Variants in NWD2 observed in about 807,000 individuals in gnomAD.
NWD2 encodes the protein NACHT and WD repeat domain containing 2.
Under a neutral mutation model 132.7 loss-of-function variants are expected in NWD2, and 37 were observed. The observed-to-expected ratio is 0.28, with a 90% CI of 0.21 to 0.37. The LOEUF (loss-of-function observed/expected upper bound fraction) is 0.37. NWD2 is among the 10% of genes least tolerant of loss of function. The pLI is 1.00. For missense variants in NWD2, 1,592 were observed against 2,122.4 expected (o/e 0.75, Z 4.91); for synonymous variants, 705 against 803.0 (o/e 0.88, Z 2.06).
chr4:37,412,322 G>A (rs1037079915), intron 3 of NWD2, among the ~76,000 whole-genome samples: 7 of 152,124 alleles, frequency 4.6e-5, no homozygotes, highest in Non-Finnish European at 1.0e-4. Context: ...AAAATCACAA[G>A]CATTCCTATA....
chr4:37,344,664 T>G (rs1399883466), intron 2 of NWD2, among the ~76,000 whole-genome samples: 1 of 152,202 alleles, frequency 6.6e-6, no homozygotes, highest in African/African-American at 2.4e-5. Context: ...TTCTTTGTAT[T>G]TGCAATGCAA....
At chr4:37,342,110 C>T (rs1369500577) in intron 2 of NWD2, among the ~76,000 whole-genome samples, 1 of 152,244 alleles carries the variant, frequency 6.6e-6, no homozygotes, top group East Asian at 1.9e-4. Context: ...AAATGTTATC[C>T]TCAACACTGG....
chr4:37,254,848 A>G (rs6855689), intron 1 of NWD2, among the ~76,000 whole-genome samples: 16,129 of 152,268 alleles, frequency 0.11, 950 homozygotes, highest in African/African-American at 0.14. Context: ...AGACTGTGAA[A>G]TGGCACACTC....
At chr4:37,329,038 GAA>G (rs200752819) in intron 2 of NWD2, among the ~76,000 whole-genome samples, 38 of 147,652 alleles carry the variant, frequency 2.6e-4, no homozygotes, top group Non-Finnish European at 4.5e-5. Context: ...ATGGTTACAT[GAA>G]AAAAAAAAAT....
At position 37,256,039 on chromosome 4, in the gene NWD2, T is replaced by G. The variant is rs375839218; in HGVS notation, c.151+10821T>G. Among the ~76,000 whole-genome samples, 308 of 152,310 alleles carry G rather than the reference T, an allele frequency of 2.0e-3. 1 individual carries two copies. The highest frequency in any genetic ancestry group is 4.0e-3 in the Non-Finnish European group (270 of 68,024). On this transcript the variant is annotated intron_variant, in intron 1 of 6. Transcript: ENST00000309447. ...GAAATGTTCCCAAAAGAGTAGGACA[T>G]ATCCTGGAAGTCGGGTAAGTCTAAT...
chr4:37,362,472 A>G (rs545128131), intron 3 of NWD2, among the ~76,000 whole-genome samples: 1 of 152,362 alleles, frequency 6.6e-6, no homozygotes, highest in African/African-American at 2.4e-5. Context: ...AAAAACGGAC[A>G]CATAGACAAA....
chr4:37,445,150 T>C lies in NWD2; in HGVS notation c.3162T>C (p.His1054=), dbSNP rs956043691. 1.2e-5 allele frequency: 18 copies of C among 1,551,982 alleles called. No individual in the cohort carries two copies. The highest frequency in any genetic ancestry group is 2.4e-5 in the East Asian group (1 of 40,936). ...AAGTAGAAATCAAGGGGACCAAGCA[T>C]GGAAGCAGCGCCACCTACATCAATG... ...LSEVEIKGTK[H]GSSATYINGF... is the part of the protein sequence containing the mutation. Residue 1054 remains histidine, a synonymous_variant, in exon 7 of 7, where the codon CAT becomes CAC. Coordinates refer to ENST00000309447, the MANE Select transcript of NWD2 (RefSeq NM_001144990.2). This position sits in a 1 kb window ranked among gnomAD's most constrained non-coding sequence, Gnocchi z 4.7.
At chr4:37,308,093 T>G (rs1309538406) in intron 1 of NWD2, among the ~76,000 whole-genome samples, 1 of 152,246 alleles carries the variant, frequency 6.6e-6, no homozygotes, top group Non-Finnish European at 1.5e-5. Flanking sequence ...TTAAAAGTAT[T>G]GCATCAATTT....
chr4:37,397,458 T>G (rs76624834), intron 3 of NWD2, among the ~76,000 whole-genome samples: 5,048 of 152,218 alleles, frequency 0.033, 92 homozygotes, highest in Middle Eastern at 0.065. Flanking sequence ...GAAGAGGGCT[T>G]GAGAGATAAA....
chr4:37,266,308 G>A (rs1421036170), intron 1 of NWD2, among the ~76,000 whole-genome samples: 4 of 152,038 alleles, frequency 2.6e-5, no homozygotes, highest in African/African-American at 9.7e-5. Flanking sequence ...GGGTGGATCT[G>A]GCCTTTGAAA....
At chr4:37,433,770 G>A (rs879062852) in intron 4 of NWD2, 106 bp from the exon 5 acceptor site, 1 of 769,854 alleles carries the variant, frequency 1.3e-6, no homozygotes, top group South Asian at 2.3e-5. Flanking sequence ...ACCTATCATA[G>A]TATTGGCACA....
intron 2 of NWD2, among the ~76,000 whole-genome samples, chr4:37,348,738 G>A (rs1719700494): frequency 7.1e-6 from 1 of 140,848 alleles, no homozygotes. Context: ...GAACATGCAG[G>A]TTTGTTACAT....
chr4:37,396,419 C>T (rs1215985250), intron 3 of NWD2, among the ~76,000 whole-genome samples: 1 of 152,198 alleles, frequency 6.6e-6, no homozygotes, highest in African/African-American at 2.4e-5. Flanking sequence ...CCTGACCATG[C>T]CCATCTCTGG....
chr4:37,349,136 T>C lies in NWD2; in HGVS notation c.241-7230T>C, dbSNP rs954335491. ...TTTGCTATTGTGAATACTACCACAA[T>C]AAACATATGTGTGCATGTGTTTTTA... On this transcript the variant is annotated intron_variant, in intron 2 of 6. Transcript: ENST00000309447. 1.1e-4 allele frequency among the ~76,000 whole-genome samples: 16 copies of C among 152,168 alleles called. 1 individual carries two copies. The highest frequency in any genetic ancestry group is 1.0e-3 in the Admixed American group (16 of 15,280).
At chr4:37,399,681 A>T (rs1203479932) in intron 3 of NWD2, among the ~76,000 whole-genome samples, 1 of 152,054 alleles carries the variant, frequency 6.6e-6, no homozygotes, top group Admixed American at 6.6e-5. Context: ...TTTCTTTTTT[A>T]TCCTCTTTCT....
intron 3 of NWD2, among the ~76,000 whole-genome samples, chr4:37,378,011 A>G (rs1720378888): frequency 6.6e-6 from 1 of 152,200 alleles, no homozygotes; most frequent in Non-Finnish European, 1.5e-5. Flanking sequence ...CTGTAATTGT[A>G]TACAATTATT....
intron 2 of NWD2, among the ~76,000 whole-genome samples, chr4:37,346,369 A>G (rs1719636261): frequency 6.6e-6 from 1 of 152,160 alleles, no homozygotes; most frequent in Admixed American, 6.5e-5. Flanking sequence ...TCCATTGATT[A>G]CTATGTCTAT....
chr4:37,312,327 C>T (rs935623551), intron 1 of NWD2, among the ~76,000 whole-genome samples: 5 of 150,734 alleles, frequency 3.3e-5, no homozygotes, highest in African/African-American at 1.2e-4. Context: ...TGTAGTTCTC[C>T]TTGAAGAGGT....
intron 1 of NWD2, among the ~76,000 whole-genome samples, chr4:37,282,754 T>C (rs1381274678): frequency 6.6e-6 from 1 of 152,196 alleles, no homozygotes; most frequent in Non-Finnish European, 1.5e-5. Flanking sequence ...ACACCATGAG[T>C]ATCCTTGGAG....
Sources: gnomAD v4.1 joint callset for allele counts (sites outside exome capture counted in the v4.1 genomes callset) on GRCh38, gnomAD v4.1.1 for gene constraint, Gnocchi (gnomAD v3.1) non-coding constraint, MANE v1.5 for transcripts, NCBI Gene and HGNC (gene_info 2026-07-23, HGNC 2026-07-21) for gene names.